SPPL3: variants seen among roughly 807,000 people sequenced by gnomAD.
SPPL3 encodes the protein signal peptide peptidase like 3.
SPPL3 carries 5 observed loss-of-function variants against 42.4 expected under a neutral mutation model. That is an observed-to-expected ratio of 0.12 (90% CI 0.06 to 0.25). The LOEUF is 0.25. SPPL3 is among the 10% of genes least tolerant of loss of function. SPPL3 has a pLI of 1.00. For missense variants in SPPL3, 235 were observed against 489.0 expected, an observed-to-expected ratio of 0.48 and a Z score of 4.90; for synonymous variants, 195 against 181.8, an observed-to-expected ratio of 1.07 and a Z score of -0.58.
rs1868948769 is a variant in SPPL3 at position 120,767,298 on chromosome 12, TC to T, written c.973+95del. 1.3e-5 allele frequency: 17 copies of T among 1,326,686 alleles called. 1 individual carries two copies. Among genetic ancestry groups the T allele is most frequent in the South Asian group, 1.3e-5 (1 of 75,792 alleles). The allele number at this position is 1,326,686 out of a possible 1,614,324, so 82.2% of individuals were successfully genotyped here. On this transcript the variant is annotated intron_variant, in intron 9 of 10. Coordinates refer to ENST00000353487, the MANE Select transcript of SPPL3 (RefSeq NM_139015.5). ...CAGCACCCAGAATTCCTGCTCTCCT[TC>T]CATCCAGTAACTGTAGCTAGAAGAC...
intron 2 of SPPL3, among the ~76,000 whole-genome samples, chr12:120,797,305 G>A (rs182043031): frequency 1.8e-4 from 27 of 150,786 alleles, no homozygotes; most frequent in East Asian, 7.8e-4. Flanking sequence ...GCCTCTAGCC[G>A]TCTCTTTGGA....
chr12:120,863,633 T>C (rs1307199422), intron 1 of SPPL3, among the ~76,000 whole-genome samples: 1 of 152,144 alleles, frequency 6.6e-6, no homozygotes, highest in African/African-American at 2.4e-5. Flanking sequence ...AATACTGAAA[T>C]GAAATTCTAC....
intron 2 of SPPL3, among the ~76,000 whole-genome samples, chr12:120,792,388 T>C (rs949298886): frequency 7.2e-5 from 11 of 152,194 alleles, no homozygotes; most frequent in African/African-American, 2.7e-4. Flanking sequence ...CTTAGCTAAT[T>C]TTCTGCTAGT....
chr12:120,767,114 T>C (rs1479108036), intron 9 of SPPL3, among the ~76,000 whole-genome samples: 1 of 152,238 alleles, frequency 6.6e-6, no homozygotes, highest in African/African-American at 2.4e-5. Flanking sequence ...AGAGGAAGAT[T>C]TAAGCACAGA....
At chr12:120,837,380 G>T (rs759895883) in intron 1 of SPPL3, among the ~76,000 whole-genome samples, 1 of 152,214 alleles carries the variant, frequency 6.6e-6, no homozygotes, top group Non-Finnish European at 1.5e-5. Flanking sequence ...AAATTGGAGC[G>T]CATTTTATAA....
At chr12:120,778,204 C>A (rs930306877) in intron 6 of SPPL3, among the ~76,000 whole-genome samples, 3 of 145,308 alleles carry the variant, frequency 2.1e-5, no homozygotes, top group Non-Finnish European at 3.0e-5. Flanking sequence ...GCAACCTCCA[C>A]CTCCTGGGTT....
At chr12:120,832,115 C>T (rs889376258) in intron 1 of SPPL3, among the ~76,000 whole-genome samples, 1 of 152,260 alleles carries the variant, frequency 6.6e-6, no homozygotes, top group East Asian at 1.9e-4. Context: ...GTGTGGGGTA[C>T]TGTGCTAAAT....
At chr12:120,765,736 TC>T (rs1173457284) in intron 10 of SPPL3, among the ~76,000 whole-genome samples, 1 of 151,512 alleles carries the variant, frequency 6.6e-6, no homozygotes, top group African/African-American at 2.4e-5. Context: ...TTATCAACTC[TC>T]TAGAGGTAGT....
chr12:120,856,503 CTTT>C (rs35137934), intron 1 of SPPL3, among the ~76,000 whole-genome samples: 1 of 89,190 alleles, frequency 1.1e-5, no homozygotes, highest in African/African-American at 4.5e-5. Context: ...CAATTTTCAT[CTTT>C]TTTTTTTTTT....
chr12:120,771,492 T>G (rs916000795), intron 6 of SPPL3, among the ~76,000 whole-genome samples: 2 of 152,266 alleles, frequency 1.3e-5, no homozygotes, highest in African/African-American at 4.8e-5. Context: ...CAATTACATT[T>G]AAGATCATAC....
intron 1 of SPPL3, among the ~76,000 whole-genome samples, chr12:120,884,550 T>TAAAAAAA (rs35595273): frequency 7.0e-6 from 1 of 143,706 alleles, no homozygotes; most frequent in Non-Finnish European, 1.5e-5. Context: ...TTGTATAATT[T>TAAAAAAA]AAAAAAAAAA....
chr12:120,877,352 A>G (rs1873136027), intron 1 of SPPL3, among the ~76,000 whole-genome samples: 1 of 151,482 alleles, frequency 6.6e-6, no homozygotes, highest in Non-Finnish European at 1.5e-5. Context: ...ACACTTCCCA[A>G]CTCATTCTAT....
chr12:120,767,627 ACT>A, intron 8 of SPPL3, 34 bp from the exon 9 acceptor site: 1 of 1,608,326 alleles, frequency 6.2e-7, no homozygotes, highest in Non-Finnish European at 8.5e-7. Context: ...GTGACGTCAC[ACT>A]CTACAATCCA....
chr12:120,878,871 T>A (rs7316132), intron 1 of SPPL3, among the ~76,000 whole-genome samples: 1 of 151,850 alleles, frequency 6.6e-6, no homozygotes, highest in South Asian at 2.1e-4. Context: ...CCCAGCACTT[T>A]GGGAGGCTGA....
At chr12:120,860,386 C>T (rs1206216927) in intron 1 of SPPL3, among the ~76,000 whole-genome samples, 3 of 152,126 alleles carry the variant, frequency 2.0e-5, no homozygotes, top group African/African-American at 2.4e-5. Flanking sequence ...AATAAAAATA[C>T]TTACAGGAAA....
At chr12:120,792,696 C>CAAAAA (rs57603403) in intron 2 of SPPL3, among the ~76,000 whole-genome samples, 3 of 71,772 alleles carry the variant, frequency 4.2e-5, no homozygotes, top group African/African-American at 1.3e-4. Context: ...GAGACTGTCT[C>CAAAAA]AAAAAAAAAA....
chr12:120,885,511 A>ACCTACAACAC (rs1873424510), intron 1 of SPPL3, among the ~76,000 whole-genome samples: 1 of 152,180 alleles, frequency 6.6e-6, no homozygotes, highest in Admixed American at 6.5e-5. Context: ...TACCACTTAG[A>ACCTACAACAC]ATAACTACAT....
intron 2 of SPPL3, among the ~76,000 whole-genome samples, chr12:120,793,019 A>G (rs2136987348): frequency 6.6e-6 from 1 of 152,380 alleles, no homozygotes; most frequent in South Asian, 2.1e-4. Context: ...AAATCTTTGC[A>G]AATCATGTAT....
intron 1 of SPPL3, among the ~76,000 whole-genome samples, chr12:120,833,742 GAA>G (rs1199839568): frequency 6.8e-6 from 1 of 148,090 alleles, no homozygotes; most frequent in Admixed American, 6.8e-5. Context: ...CAACTAGGGA[GAA>G]AAAAGAGTTG....
Sources: gnomAD v4.1 joint callset for allele counts (sites outside exome capture counted in the v4.1 genomes callset) on GRCh38, gnomAD v4.1.1 for gene constraint, MANE v1.5 for transcripts, NCBI Gene and HGNC (gene_info 2026-07-23, HGNC 2026-07-21) for gene names.